The following RYR3 variants were observed in gnomAD, a reference collection of about 807,000 sequenced individuals.
RYR3 encodes ryanodine receptor 3.
In RYR3, 207 loss-of-function variants were observed where a neutral mutation model predicts 584.3. The ratio of observed to expected loss-of-function variants is 0.35; its 90% CI spans 0.32 to 0.40. The LOEUF is 0.40. RYR3 is among the 10% of genes least tolerant of loss of function. The probability of loss-of-function intolerance (pLI) is 1.00; values close to 1 mark genes in which losing one functional copy is unlikely to be tolerated. For missense variants in RYR3, 5,616 were observed against 6,089.2 expected (o/e 0.92, Z 2.59); for synonymous variants, 2,416 against 2,248.5 (o/e 1.07, Z -2.11).
At chr15:33,545,611 A>G (rs2056179805) in intron 8 of RYR3, among the ~76,000 whole-genome samples, 1 of 152,176 alleles carries the variant, frequency 6.6e-6, no homozygotes, top group Non-Finnish European at 1.5e-5. Context: ...CTTTGTGTCA[A>G]CTAGTCTCAA....
chr15:33,393,334 T>C (rs982752685), intron 1 of RYR3, among the ~76,000 whole-genome samples: 7 of 152,200 alleles, frequency 4.6e-5, no homozygotes, highest in Admixed American at 1.3e-4. Flanking sequence ...GTGAACTTTT[T>C]CCATACCTAT....
intron 31 of RYR3, among the ~76,000 whole-genome samples, chr15:33,649,610 A>C (rs557985378): frequency 1.3e-5 from 2 of 152,350 alleles, no homozygotes; most frequent in East Asian, 3.9e-4. Flanking sequence ...AAATAAAAAG[A>C]TATACCACAT....
intron 1 of RYR3, among the ~76,000 whole-genome samples, chr15:33,314,734 GA>G (rs142057556): frequency 0.075 from 11,366 of 152,026 alleles, 502 homozygotes; most frequent in Middle Eastern, 0.13. Context: ...CTAACACGGT[GA>G]AACCCCGTCT....
At chr15:33,752,161 C>T (rs536647152) in intron 57 of RYR3, among the ~76,000 whole-genome samples, 9 of 152,212 alleles carry the variant, frequency 5.9e-5, no homozygotes, top group East Asian at 1.9e-4. Context: ...AGTCAGGTAG[C>T]GTGATGGCTC....
In RYR3 at chr15:33,530,190, C is replaced by T. The variant is rs143547030; in HGVS notation, c.280-402C>T. ...CATGGCACAGAATGTGACCATGTGC[C>T]GCCTGCCACACTGCCTTTGTGTTGC... On this transcript the variant is annotated intron_variant, in intron 3 of 103. Transcript: ENST00000634891. Among the ~76,000 whole-genome samples the T allele has an allele frequency of 5.0e-3, 764 of 152,286 alleles. 9 individuals carry two copies. The highest frequency in any genetic ancestry group is 0.018 in the African/African-American group (738 of 41,546).
At chr15:33,852,818 C>T (rs2079242960) in intron 94 of RYR3, 3 of 448,948 alleles carry the variant, frequency 6.7e-6, no homozygotes, top group African/African-American at 2.1e-5. Context: ...CAGAAACTGC[C>T]CAGTGGCCTT....
chr15:33,612,685 T>C (rs73371911), intron 18 of RYR3, among the ~76,000 whole-genome samples: 2 of 152,334 alleles, frequency 1.3e-5, no homozygotes, highest in African/African-American at 4.8e-5. Context: ...AATGGCTAGA[T>C]GGCCTTGCCA....
intron 1 of RYR3, among the ~76,000 whole-genome samples, chr15:33,427,340 AGT>A (rs1051629629): frequency 6.6e-6 from 1 of 152,222 alleles, no homozygotes; most frequent in African/African-American, 2.4e-5. Context: ...TGGGTGCAAT[AGT>A]GTGCACCTAT....
chr15:33,654,582 A>G (rs1343028406), intron 32 of RYR3, among the ~76,000 whole-genome samples: 1 of 152,090 alleles, frequency 6.6e-6, no homozygotes, highest in Admixed American at 6.5e-5. Context: ...AAGAAGTATC[A>G]TGGAGATAGG....
chr15:33,852,523 T>C (rs2079209092), intron 94 of RYR3: 1 of 155,298 alleles, frequency 6.4e-6, no homozygotes, highest in Non-Finnish European at 1.4e-5. Flanking sequence ...GGAAAAACAC[T>C]CAGCTTAAAA....
chr15:33,773,729 A>T (rs1006484045), intron 64 of RYR3, 114 bp downstream of exon 64: 4 of 732,334 alleles, frequency 5.5e-6, no homozygotes, highest in Non-Finnish European at 9.6e-6. Flanking sequence ...GCTCACTGAT[A>T]CAGAATGGTG....
chr15:33,825,723 C>CT lies in RYR3; in HGVS notation c.11146+70dup, dbSNP rs374617439. Reference sequence around the variant, plus strand: ...AGGCCATTCTCTTCCTGATTAAAATCTTTTTTTTTTTTTTTTTTTTTTTCC... The same window carrying CT: ...AGGCCATTCTCTTCCTGATTAAAATCTTTTTTTTTTTTTTTTTTTTTTTTCC... On this transcript the variant is annotated intron_variant, in intron 82 of 103. Coordinates refer to ENST00000634891, the MANE Select transcript of RYR3 (RefSeq NM_001036.6). 7.2e-3 allele frequency: 3,362 copies of CT among 468,976 alleles called. 1 individual carries two copies. The highest frequency in any genetic ancestry group is 0.012 in the South Asian group (455 of 39,448). 29.1% of individuals were successfully genotyped at this position (468,976 alleles called of 1,614,324 possible).
At chr15:33,853,438 C>G in intron 95 of RYR3, 117 bp from the exon 96 acceptor site, 1 of 1,290,814 alleles carries the variant, frequency 7.7e-7, no homozygotes, top group Non-Finnish European at 1.0e-6. Context: ...TGAACTATGT[C>G]TTCATCTACC....
chr15:33,811,989 A>G (rs1386818463), intron 72 of RYR3, among the ~76,000 whole-genome samples: 1 of 152,186 alleles, frequency 6.6e-6, no homozygotes, highest in Non-Finnish European at 1.5e-5. Context: ...TGGATAAAAT[A>G]TACTAGGAAA....
chr15:33,579,062 T>C (rs920322635), intron 12 of RYR3, among the ~76,000 whole-genome samples: 3 of 151,690 alleles, frequency 2.0e-5, no homozygotes, highest in African/African-American at 7.3e-5. Flanking sequence ...ACTTGCGGAA[T>C]AGGAGGAACA....
rs545702185 is a variant in RYR3, at chr15:33,548,946, A to T, written c.815+742A>T. Among the ~76,000 whole-genome samples, 4 of 152,208 alleles carry T rather than the reference A, an allele frequency of 2.6e-5. No individual in the cohort carries two copies. The South Asian group carries it at 8.3e-4, about 32-fold the overall frequency. On this transcript the variant is annotated intron_variant, in intron 9 of 103. Transcript: ENST00000634891. ...CTTTCTGCTCAGTCTCCCCCCGAAA[A>T]TATGTTCAAAATAAGTCTCTCTCAC...
intron 89 of RYR3, chr15:33,839,816 G>C (rs936305593): frequency 6.6e-6 from 1 of 152,124 alleles, no homozygotes; most frequent in Non-Finnish European, 1.5e-5. Flanking sequence ...AGAGAACGCT[G>C]GTTCGAAGAT....
intron 31 of RYR3, among the ~76,000 whole-genome samples, chr15:33,649,658 A>G (rs1487822148): frequency 1.3e-5 from 2 of 152,232 alleles, no homozygotes; most frequent in Non-Finnish European, 2.9e-5. Flanking sequence ...CCTCCTCCCA[A>G]GAGTTTATAA....
At chr15:33,715,603 A>G (rs777221577) in intron 43 of RYR3, among the ~76,000 whole-genome samples, 54 of 152,196 alleles carry the variant, frequency 3.5e-4, no homozygotes, top group Non-Finnish European at 2.4e-4. Context: ...CTGAGACTGG[A>G]TAATTTATAA....
Sources: allele counts gnomAD v4.1 joint callset (sites outside exome capture counted in the v4.1 genomes callset), GRCh38; gene constraint gnomAD v4.1.1; transcripts MANE v1.5; gene names NCBI Gene and HGNC (gene_info 2026-07-23, HGNC 2026-07-21).